GRM7: variants seen among roughly 807,000 people sequenced by gnomAD.
GRM7 encodes metabotropic glutamate receptor 7.
GRM7 carries 35 observed loss-of-function variants against 84.5 expected under a neutral mutation model. The observed-to-expected ratio is 0.41, with a 90% CI of 0.32 to 0.55. The LOEUF (loss-of-function observed/expected upper bound fraction) is 0.55. GRM7 is among the 20% of genes least tolerant of loss of function. GRM7 has a pLI of 0.19. For missense variants in GRM7, 1,003 were observed against 1,194.6 expected (o/e 0.84, Z 2.36); for synonymous variants, 487 against 455.1 (o/e 1.07, Z -0.89).
chr3:7,263,811 A>T (rs1444883525), intron 2 of GRM7, among the ~76,000 whole-genome samples: 1 of 151,762 alleles, frequency 6.6e-6, no homozygotes, highest in Non-Finnish European at 1.5e-5. Flanking sequence ...GCGGTAGGGT[A>T]GGTTGGGGGT....
chr3:7,439,369 G>A (rs983284912), intron 5 of GRM7, among the ~76,000 whole-genome samples: 1 of 152,162 alleles, frequency 6.6e-6, no homozygotes, highest in Non-Finnish European at 1.5e-5. Flanking sequence ...GTAGCCCATG[G>A]TGTCACTTGG....
chr3:7,122,635 A>G (rs1157869107), intron 1 of GRM7, among the ~76,000 whole-genome samples: 1 of 152,216 alleles, frequency 6.6e-6, no homozygotes, highest in Non-Finnish European at 1.5e-5. Context: ...ACTTACCTAC[A>G]CAGTAATTAC....
chr3:7,259,033 CT>C (rs560183070), intron 2 of GRM7, among the ~76,000 whole-genome samples: 109 of 152,352 alleles, frequency 7.2e-4, no homozygotes, highest in African/African-American at 2.5e-3. Context: ...CATTGGCCTA[CT>C]GCTAGGTTGG....
intron 2 of GRM7, among the ~76,000 whole-genome samples, chr3:7,282,049 C>T (rs1259429648): frequency 2.0e-5 from 3 of 152,152 alleles, no homozygotes; most frequent in Non-Finnish European, 2.9e-5. Context: ...CGCCACTGCA[C>T]TCCAGCCTGG....
intron 5 of GRM7, among the ~76,000 whole-genome samples, chr3:7,432,587 G>A (rs1345507004): frequency 6.6e-6 from 1 of 151,618 alleles, no homozygotes; most frequent in Non-Finnish European, 1.5e-5. Context: ...CTCCCAAAGT[G>A]CTAGGATTAC....
At chr3:7,357,292 C>A (rs1693451897) in intron 4 of GRM7, among the ~76,000 whole-genome samples, 1 of 151,888 alleles carries the variant, frequency 6.6e-6, no homozygotes, top group African/African-American at 2.4e-5. Flanking sequence ...GGAAAAGCAG[C>A]TTGTAAGGCT....
intron 1 of GRM7, among the ~76,000 whole-genome samples, chr3:6,948,229 T>A (rs146726824): frequency 2.0e-5 from 3 of 151,772 alleles, no homozygotes; most frequent in African/African-American, 7.3e-5. Context: ...GCTTTGAATG[T>A]GTCCCAGAGA....
chr3:7,655,953 T>C (rs575791018), intron 8 of GRM7, among the ~76,000 whole-genome samples: 8 of 152,336 alleles, frequency 5.3e-5, no homozygotes, highest in African/African-American at 1.4e-4. Flanking sequence ...TATGTGATCA[T>C]ATTCACATAA....
rs555624632 is a variant in GRM7, at chr3:6,887,581, T to G, written c.519+25674T>G. 3.3e-5 allele frequency among the ~76,000 whole-genome samples: 5 copies of G among 152,324 alleles called. No homozygotes were observed. In the South Asian group the frequency reaches 8.3e-4, roughly 25 times the overall value. The stretch of plus-strand genomic sequence containing the variant: ...GAACTCATCATTTTTTATGGCTGCA[T>G]AGTATTCCATGGTGTATATATGCCA... On this transcript the variant is annotated intron_variant, in intron 1 of 9. Transcript: ENST00000357716.
At chr3:7,545,997 A>T (rs1273563035) in intron 7 of GRM7, among the ~76,000 whole-genome samples, 1 of 152,208 alleles carries the variant, frequency 6.6e-6, no homozygotes, top group Non-Finnish European at 1.5e-5. Flanking sequence ...TACAGTATAT[A>T]AATTACTTAG....
chr3:7,229,824 G>T (rs1358715628), intron 2 of GRM7, among the ~76,000 whole-genome samples: 3 of 123,880 alleles, frequency 2.4e-5, no homozygotes, highest in East Asian at 5.6e-4. Flanking sequence ...TTATGGGTCA[G>T]CAATCTTCCA....
chr3:6,879,532 T>C (rs1455292544), intron 1 of GRM7, among the ~76,000 whole-genome samples: 1 of 152,212 alleles, frequency 6.6e-6, no homozygotes, highest in Non-Finnish European at 1.5e-5. Context: ...CCAGGCTTTC[T>C]GGAGGAACTG....
rs1699324907 is a variant in GRM7 at position 7,486,435 on chromosome 3, C to A, written c.1515+24713C>A. On this transcript the variant is annotated intron_variant, in intron 7 of 9. Transcript: ENST00000357716. The surrounding 1 kb of genome is among the most constrained non-coding windows in gnomAD (Gnocchi z 5.5). ...AATGTGGCAGTGTTGGGAGATGATA[C>A]CATTGAGAGGCAATTGGGTCATAAA... is the stretch of plus-strand genomic sequence containing the variant. Among the ~76,000 whole-genome samples the A allele has an allele frequency of 6.6e-6, 1 of 152,084 alleles. No homozygotes were observed. The highest frequency in any genetic ancestry group is 1.5e-5 in the Non-Finnish European group (1 of 68,028).
chr3:7,082,592 C>A (rs73112896), intron 1 of GRM7, among the ~76,000 whole-genome samples: 2 of 152,020 alleles, frequency 1.3e-5, no homozygotes, highest in African/African-American at 2.4e-5. Context: ...TTAAGAAGTA[C>A]ATTTCATAAA....
At chr3:7,635,004 G>A (rs912379933) in intron 8 of GRM7, among the ~76,000 whole-genome samples, 6 of 152,224 alleles carry the variant, frequency 3.9e-5, no homozygotes, top group African/African-American at 7.2e-5. Flanking sequence ...AGCACTGCCC[G>A]ATAGAATTTT....
chr3:7,406,228 T>A (rs932941859), intron 4 of GRM7, among the ~76,000 whole-genome samples: 32 of 152,086 alleles, frequency 2.1e-4, no homozygotes, highest in African/African-American at 7.5e-4. Context: ...CGGCCGGGCG[T>A]GGTGGCTCAT....
At chr3:7,317,874 A>G (rs1460966631) in intron 4 of GRM7, among the ~76,000 whole-genome samples, 9 of 152,078 alleles carry the variant, frequency 5.9e-5, no homozygotes, top group Admixed American at 5.9e-4. Flanking sequence ...AGTTATGGGT[A>G]CAAAAGTTAA....
chr3:7,274,783 T>TC (rs1210895405), intron 2 of GRM7, among the ~76,000 whole-genome samples: 2 of 152,082 alleles, frequency 1.3e-5, no homozygotes, highest in African/African-American at 4.8e-5. Flanking sequence ...ATTGTCATTT[T>TC]TTCTGGTTGG....
At chr3:6,982,460 A>C (rs1559366257) in intron 1 of GRM7, among the ~76,000 whole-genome samples, 3 of 152,208 alleles carry the variant, frequency 2.0e-5, no homozygotes, top group African/African-American at 4.8e-5. Context: ...AAGATAGAAT[A>C]TAAAAATCAA....
Sources: allele counts gnomAD v4.1 joint callset (sites outside exome capture counted in the v4.1 genomes callset), GRCh38; gene constraint gnomAD v4.1.1; non-coding constraint Gnocchi (gnomAD v3.1); transcripts MANE v1.5; gene names NCBI Gene and HGNC (gene_info 2026-07-23, HGNC 2026-07-21).